The following CRPPA variants were observed in gnomAD, a reference collection of about 807,000 sequenced individuals.
CRPPA encodes the protein D-ribitol-5-phosphate cytidylyltransferase.
In CRPPA, 43 loss-of-function variants were observed where a neutral mutation model predicts 52.0. The ratio of observed to expected loss-of-function variants is 0.83; its 90% CI spans 0.65 to 1.07. The LOEUF is 1.07. Ranked by LOEUF, CRPPA falls within the 50% of genes least tolerant of loss-of-function variation. The pLI, the probability that CRPPA is intolerant of heterozygous loss-of-function variation, is 0.00. For missense variants in CRPPA, 629 were observed against 551.7 expected (o/e 1.14, Z -1.40); for synonymous variants, 250 against 203.5 (o/e 1.23, Z -1.94).
chr7:16,388,621 T>C (rs1448503068), intron 2 of CRPPA, among the ~76,000 whole-genome samples: 1 of 152,200 alleles, frequency 6.6e-6, no homozygotes, highest in Non-Finnish European at 1.5e-5. Context: ...ATGCCTGTAA[T>C]CCCAGCACTT....
At chr7:16,374,582 T>C (rs28581556) in intron 3 of CRPPA, among the ~76,000 whole-genome samples, 8,666 of 152,256 alleles carry the variant, frequency 0.057, 532 homozygotes, top group African/African-American at 0.15. Context: ...ATTTTCTGCA[T>C]GCATTCCTCA....
At chr7:16,303,477 TAAAAAAAAAAAAAAAAAAAA>T (rs545663821) in intron 4 of CRPPA, among the ~76,000 whole-genome samples, 1 of 44,970 alleles carries the variant, frequency 2.2e-5, no homozygotes, top group South Asian at 1.1e-3. Context: ...CATAAAATAG[TAAAAAAAAAAAAAAAAAAAA>T]AAAAAACTTT....
In CRPPA at chr7:16,216,125, C is replaced by A; in HGVS notation, c.1192G>T (p.Ala398Ser). The change falls in exon 9 of 10, where the codon GCA (alanine) becomes TCA (serine). Residue 398 changes from alanine (A) to serine (S), a missense_variant. Coordinates refer to ENST00000407010, the MANE Select transcript of CRPPA (RefSeq NM_001101426.4). ...ATATTTCTTTCTTTTACTTCCTTTG[C>A]AAATTCTCTAATCTGCATTAGGTTT... ...MENLMQIREF[A>S]KEVKERNILL... 1 of 1,599,386 alleles carries A rather than the reference C, an allele frequency of 6.3e-7. No homozygotes were observed. Among genetic ancestry groups the A allele is most frequent in the Non-Finnish European group, 8.6e-7 (1 of 1,169,320 alleles).
At chr7:16,389,928 A>AAAAAAAAAAAAAAAAAAT in intron 2 of CRPPA, among the ~76,000 whole-genome samples, 6 of 29,758 alleles carry the variant, frequency 2.0e-4, no homozygotes, top group African/African-American at 6.9e-4. Context: ...AAAAAAAAAA[A>AAAAAAAAAAAAAAAAAAT]ATATATATAT....
chr7:16,216,307 C>G, intron 8 of CRPPA, 110 bp from the exon 9 acceptor site: 1 of 632,090 alleles, frequency 1.6e-6, no homozygotes, highest in Non-Finnish European at 2.6e-6. Flanking sequence ...TTGCAATAAT[C>G]TTTATTAACT....
chr7:16,421,229 G>A lies in CRPPA; in HGVS notation c.94C>T (p.Leu32=), dbSNP rs954673030. 1.5e-6 allele frequency: 2 copies of A among 1,334,762 alleles called. No homozygotes were observed. Among genetic ancestry groups the A allele is most frequent in the Non-Finnish European group, 1.9e-6 (2 of 1,035,484 alleles). The allele number at this position is 1,334,762 out of a possible 1,614,324, so 82.7% of individuals were successfully genotyped here. The change falls in exon 1 of 10, where the codon CTG becomes TTG. Residue 32 remains leucine (L), a synonymous_variant. Transcript: ENST00000407010. ...GGCTCGGTCCCGGCCACGCTCTGCA[G>A]GGAGGCGGAAGCCGTGTGGTCCGCG... ...RGADHTASAS[L]QSVAGTEPGR...
At chr7:16,414,326 C>G (rs1788138224) in intron 1 of CRPPA, among the ~76,000 whole-genome samples, 1 of 147,598 alleles carries the variant, frequency 6.8e-6, no homozygotes, top group East Asian at 2.0e-4. Flanking sequence ...TTCAGCTATT[C>G]CAGGTTGACC....
At chr7:16,297,341 C>T (rs542165826) in intron 5 of CRPPA, among the ~76,000 whole-genome samples, 2 of 152,186 alleles carry the variant, frequency 1.3e-5, no homozygotes, top group East Asian at 3.9e-4. Flanking sequence ...TGCTCAAATA[C>T]TATACCATTT....
Position 16,381,573 on chromosome 7 carries a change from C to G in CRPPA, c.535-5332G>C, listed in dbSNP as rs976798310. Reference sequence around the variant, plus strand: ...TTAACTTTCTGTCTCATTGATCTGTCTAATGTTGACAGTGGGGTGTTAAAG... The same window carrying G: ...TTAACTTTCTGTCTCATTGATCTGTGTAATGTTGACAGTGGGGTGTTAAAG... On this transcript the variant is annotated intron_variant, in intron 2 of 9. Transcript: ENST00000407010. Among the ~76,000 whole-genome samples the G allele has an allele frequency of 3.2e-3, 491 of 151,966 alleles. 3 individuals are homozygous for G. The highest frequency in any genetic ancestry group is 0.011 in the African/African-American group (466 of 41,390).
chr7:16,276,772 G>A (rs973952443), intron 6 of CRPPA: 1 of 152,144 alleles, frequency 6.6e-6, no homozygotes, highest in African/African-American at 2.4e-5. Context: ...GGAGATAGTA[G>A]GTAATGACAT....
chr7:16,095,920 G>T (rs932566853), intron 9 of CRPPA, among the ~76,000 whole-genome samples: 1 of 152,172 alleles, frequency 6.6e-6, no homozygotes, highest in African/African-American at 2.4e-5. Context: ...ATAACTGCTG[G>T]AAAGTTGGAG....
intron 9 of CRPPA, among the ~76,000 whole-genome samples, chr7:16,193,425 C>T (rs1781658036): frequency 6.6e-6 from 1 of 152,004 alleles, no homozygotes. Flanking sequence ...AAAATTCTTA[C>T]TAAACACTTG....
At chr7:16,315,131 C>A (rs1271862023) in intron 3 of CRPPA, among the ~76,000 whole-genome samples, 7 of 152,092 alleles carry the variant, frequency 4.6e-5, no homozygotes, top group Admixed American at 4.6e-4. Context: ...GATAGTCTTT[C>A]CTCATTCATG....
chr7:16,346,651 C>T (rs1786021504), intron 3 of CRPPA, among the ~76,000 whole-genome samples: 1 of 151,870 alleles, frequency 6.6e-6, no homozygotes. Flanking sequence ...GTACTCACAC[C>T]CTTGTCTTGT....
At chr7:16,197,997 C>T (rs1458535119) in intron 9 of CRPPA, among the ~76,000 whole-genome samples, 2 of 129,702 alleles carry the variant, frequency 1.5e-5, no homozygotes, top group African/African-American at 6.0e-5. Flanking sequence ...TCTCAAGTAC[C>T]CAGGGACACA....
At chr7:16,322,751 A>C (rs2128427772) in intron 3 of CRPPA, among the ~76,000 whole-genome samples, 1 of 152,230 alleles carries the variant, frequency 6.6e-6, no homozygotes, top group Non-Finnish European at 1.5e-5. Flanking sequence ...AAGTTCCACA[A>C]CCGTATATTG....
intron 9 of CRPPA, among the ~76,000 whole-genome samples, chr7:16,171,809 T>C (rs955337527): frequency 6.6e-6 from 1 of 151,972 alleles, no homozygotes. Context: ...AGTAAATAAA[T>C]AAAATAAAAA....
intron 6 of CRPPA, among the ~76,000 whole-genome samples, chr7:16,267,422 T>C (rs1302120414): frequency 6.6e-6 from 1 of 152,230 alleles, no homozygotes; most frequent in Non-Finnish European, 1.5e-5. Flanking sequence ...TTACAGTTGA[T>C]ACTGATATAA....
At chr7:16,375,512 A>C (rs1295567778) in intron 3 of CRPPA, among the ~76,000 whole-genome samples, 3 of 152,210 alleles carry the variant, frequency 2.0e-5, no homozygotes, top group Non-Finnish European at 4.4e-5. Context: ...TTTGATTAAC[A>C]AAATGTCTAA....
Sources: gnomAD v4.1 joint callset for allele counts (sites outside exome capture counted in the v4.1 genomes callset) on GRCh38, gnomAD v4.1.1 for gene constraint, MANE v1.5 for transcripts, NCBI Gene and HGNC (gene_info 2026-07-23, HGNC 2026-07-21) for gene names.